Variants in ZFHX4 observed in about 807,000 individuals in gnomAD.
ZFHX4 encodes the protein zinc finger homeobox protein 4.
Under a neutral mutation model 267.6 loss-of-function variants are expected in ZFHX4, and 56 were observed. The observed-to-expected ratio is 0.21, with a 90% CI of 0.17 to 0.26. ZFHX4 has a LOEUF of 0.26. Among genes scored for constraint, ZFHX4 ranks in the 10% least tolerant of loss-of-function variants. The pLI is 1.00. For missense variants in ZFHX4, 4,332 were observed against 4,420.0 expected (o/e 0.98, Z 0.56); for synonymous variants, 1,778 against 1,665.6 (o/e 1.07, Z -1.64).
At position 76,681,302 on chromosome 8, in the gene ZFHX4, C is replaced by G. The variant is rs775686485; in HGVS notation, c.-365C>G. 3.3e-5 allele frequency: 13 copies of G among 398,286 alleles called. No homozygotes were observed. Among genetic ancestry groups the G allele is most frequent in the African/African-American group, 6.2e-5 (3 of 48,568 alleles). 24.7% of individuals were successfully genotyped at this position (398,286 alleles called of 1,614,324 possible). Reference sequence around the variant, plus strand: ...GCCATTTTTTTAAACAGGGCTAAAACGATAATAATTAGCAGAATAAAGACA... The same window carrying G: ...GCCATTTTTTTAAACAGGGCTAAAAGGATAATAATTAGCAGAATAAAGACA... On this transcript the variant is annotated 5_prime_UTR_variant, in exon 1 of 11. Transcript: ENST00000651372.
At chr8:76,833,579 T>C (rs1001830941) in intron 5 of ZFHX4, 173 bp downstream of exon 5, 1 of 564,152 alleles carries the variant, frequency 1.8e-6, no homozygotes, top group South Asian at 2.1e-5. Context: ...ATTGGAAGTA[T>C]ATGTAAATTG....
At chr8:76,793,280 G>A (rs1810887817) in intron 4 of ZFHX4, among the ~76,000 whole-genome samples, 1 of 152,094 alleles carries the variant, frequency 6.6e-6, no homozygotes, top group African/African-American at 2.4e-5. Context: ...ACTATTAGAG[G>A]TGGCATACAT....
chr8:76,806,437 G>T (rs1435995128), intron 4 of ZFHX4, among the ~76,000 whole-genome samples: 1 of 151,996 alleles, frequency 6.6e-6, no homozygotes, highest in Non-Finnish European at 1.5e-5. Flanking sequence ...TTGGTTATAG[G>T]TAAAATGGGA....
At chr8:76,700,174 G>A (rs933761905) in intron 1 of ZFHX4, among the ~76,000 whole-genome samples, 1 of 151,794 alleles carries the variant, frequency 6.6e-6, no homozygotes, top group African/African-American at 2.4e-5. Flanking sequence ...TCATGTAAGT[G>A]GACAACTTTT....
chr8:76,786,388 T>C (rs1810691201), intron 4 of ZFHX4, among the ~76,000 whole-genome samples: 1 of 150,474 alleles, frequency 6.6e-6, no homozygotes, highest in Non-Finnish European at 1.5e-5. Context: ...AGTATGAAGT[T>C]AGACATCGAT....
rs1176978962 is a variant in ZFHX4, at chr8:76,855,056, G to T, written c.8135G>T (p.Ser2712Ile). ...GKQAGYSLPP[S>I]PLISTEDGGE... ...CAGGCAGGTTACAGCTTGCCACCAA[G>T]CCCTTTAATATCCACCGAAGATGGG... Residue 2712 changes from serine to isoleucine, a missense_variant, in exon 10 of 11, where the codon AGC becomes ATC. By Grantham distance (142) the Ser-to-Ile change is moderately radical (BLOSUM62 -2). Around this residue, in one of 7 missense-constraint regions of ZFHX4, gnomAD observed 1,648 missense variants for 1,625.0 expected, o/e 1.01. Coordinates refer to ENST00000651372, the MANE Select transcript of ZFHX4 (RefSeq NM_024721.5). 2 of 1,613,764 alleles carry T rather than the reference G, an allele frequency of 1.2e-6. No individual in the cohort carries two copies. The highest frequency in any genetic ancestry group is 2.7e-5 in the African/African-American group (2 of 74,904).
At chr8:76,685,541 T>C (rs1185258689) in intron 1 of ZFHX4, among the ~76,000 whole-genome samples, 2 of 152,236 alleles carry the variant, frequency 1.3e-5, no homozygotes, top group East Asian at 3.8e-4. Flanking sequence ...ATTGAAAATA[T>C]AATATATACG....
At chr8:76,847,715 T>A (rs1027763907) in intron 6 of ZFHX4, among the ~76,000 whole-genome samples, 1 of 152,116 alleles carries the variant, frequency 6.6e-6, no homozygotes, top group African/African-American at 2.4e-5. Flanking sequence ...TGCATCTCTA[T>A]CCACAGTTGA....
At chr8:76,818,339 C>G (rs1811559103) in intron 4 of ZFHX4, among the ~76,000 whole-genome samples, 1 of 151,932 alleles carries the variant, frequency 6.6e-6, no homozygotes, top group Admixed American at 6.6e-5. Context: ...GCGGGAGAAG[C>G]AAGAAACTAT....
At chr8:76,840,526 G>C (rs1237157483) in intron 5 of ZFHX4, among the ~76,000 whole-genome samples, 1 of 152,134 alleles carries the variant, frequency 6.6e-6, no homozygotes, top group East Asian at 1.9e-4. Flanking sequence ...ATGAGACCCA[G>C]ATTATATACT....
chr8:76,841,577 G>A (rs1812233739), intron 5 of ZFHX4, among the ~76,000 whole-genome samples: 1 of 152,170 alleles, frequency 6.6e-6, no homozygotes, highest in South Asian at 2.1e-4. Context: ...ATAGAAGAGT[G>A]TATGCAAATG....
intron 3 of ZFHX4, among the ~76,000 whole-genome samples, chr8:76,719,470 T>C (rs1190345691): frequency 6.6e-6 from 1 of 151,788 alleles, no homozygotes. Flanking sequence ...TGATAGTTTC[T>C]CCAAAAAGCA....
intron 4 of ZFHX4, 148 bp from the exon 5 acceptor site, chr8:76,833,190 A>C: frequency 1.7e-6 from 1 of 588,790 alleles, no homozygotes; most frequent in Non-Finnish European, 3.1e-6. Context: ...GCTGCTCACT[A>C]GGATATAATG....
chr8:76,837,478 A>G (rs1812121519), intron 5 of ZFHX4, among the ~76,000 whole-genome samples: 2 of 145,198 alleles, frequency 1.4e-5, no homozygotes, highest in East Asian at 2.0e-4. Flanking sequence ...TTTGGTAAAG[A>G]GGGAAATGCA....
intron 1 of ZFHX4, among the ~76,000 whole-genome samples, chr8:76,687,480 C>A (rs1304325346): frequency 1.3e-5 from 2 of 152,188 alleles, no homozygotes; most frequent in East Asian, 1.9e-4. Context: ...CAGCTACATT[C>A]TTTCATAATT....
intron 1 of ZFHX4, among the ~76,000 whole-genome samples, chr8:76,698,566 G>A (rs940895499): frequency 1.4e-5 from 2 of 145,230 alleles, no homozygotes; most frequent in African/African-American, 2.8e-5. Flanking sequence ...AAATGAGGGT[G>A]GGAAGAGAGG....
rs901682343 is a variant in ZFHX4 at position 76,855,580 on chromosome 8, T to C, written c.8659T>C (p.Tyr2887His). The C allele has an allele frequency of 1.2e-6, 2 of 1,613,890 alleles. No homozygotes were observed. The highest frequency in any genetic ancestry group is 1.7e-6 in the Non-Finnish European group (2 of 1,179,864). ...DKDGDHDQSF[Y>H]ITDDPDDNAD... ...AGATGGCGACCACGACCAAAGCTTTTACATCACAGATGACCCGGATGACAA... is the reference window on the plus strand; with the variant it reads ...AGATGGCGACCACGACCAAAGCTTTCACATCACAGATGACCCGGATGACAA... Residue 2887 changes from tyrosine to histidine, a missense_variant, in exon 10 of 11, where the codon TAC (tyrosine) becomes CAC (histidine). By Grantham distance (83) the Tyr-to-His change is moderately conservative. Coordinates refer to ENST00000651372, the MANE Select transcript of ZFHX4 (RefSeq NM_024721.5).
In ZFHX4 at chr8:76,707,608, T is replaced by A. The variant is rs368205610; in HGVS notation, c.2653T>A (p.Ser885Thr). The change falls in exon 3 of 11, where the codon TCC becomes ACC. Residue 885 changes from serine (S) to threonine (T), a missense_variant. This residue lies in a region of ZFHX4 where 1,195 missense variants were observed against 1,173.6 expected (regional missense o/e 1.02). Transcript: ENST00000651372. ...ASGQLMGDDL[S>T]LLTAGELSPY... ...TGGTCAGCTAATGGGTGATGACCTG[T>A]CCCTCCTTACTGCAGGAGAGCTGTC... The A allele has an allele frequency of 1.2e-6, 2 of 1,613,680 alleles. No individual in the cohort carries two copies. The highest frequency in any genetic ancestry group is 1.7e-6 in the Non-Finnish European group (2 of 1,179,836).
chr8:76,854,318 C>G lies in ZFHX4; in HGVS notation c.7397C>G (p.Ser2466Cys). The change falls in exon 10 of 11, where the codon TCT becomes TGT. Residue 2466 changes from serine (S) to cysteine (C), a missense_variant. Physicochemically the swap from Ser to Cys is moderately radical, Grantham distance 112 (BLOSUM62 -1). Around this residue, in one of 7 missense-constraint regions of ZFHX4, gnomAD observed 1,648 missense variants for 1,625.0 expected, o/e 1.01. Coordinates refer to ENST00000651372, the MANE Select transcript of ZFHX4 (RefSeq NM_024721.5). ...PQLIGRPPSASQTPVPSSPLQ... is the reference protein window; with the variant it reads ...PQLIGRPPSACQTPVPSSPLQ... ...CTTATCGGAAGACCTCCCTCGGCCT[C>G]TCAAACACCGGTCCCTTCCAGTCCA... is the stretch of plus-strand genomic sequence containing the variant. 3 of 1,613,598 alleles carry G rather than the reference C, an allele frequency of 1.9e-6. No individual in the cohort carries two copies. The highest frequency in any genetic ancestry group is 1.1e-5 in the South Asian group (1 of 91,056).
Sources: gnomAD v4.1 joint callset for allele counts (sites outside exome capture counted in the v4.1 genomes callset) on GRCh38, gnomAD v4.1.1 for gene constraint, gnomAD v4.1.1 regional missense constraint, MANE v1.5 for transcripts, NCBI Gene and HGNC (gene_info 2026-07-23, HGNC 2026-07-21) for gene names.